The following SLFN5 variants were observed in gnomAD, a reference collection of about 807,000 sequenced individuals.
The protein encoded by SLFN5 is schlafen family member 5.
A neutral mutation model predicts 48.5 loss-of-function variants in SLFN5; 34 were observed. That is an observed-to-expected ratio of 0.70 (90% confidence interval 0.53 to 0.93). The LOEUF (loss-of-function observed/expected upper bound fraction) is 0.93. SLFN5 is among the 40% of genes least tolerant of loss of function. SLFN5 has a pLI of 0.00. For missense variants in SLFN5, 1,006 were observed against 1,071.3 expected (o/e 0.94, Z 0.85); for synonymous variants, 387 against 396.2 (o/e 0.98, Z 0.28).
At position 35,271,697 on chromosome 17, in the gene SLFN5, T is replaced by C. The variant is rs987333587; in HGVS notation, c.*5809T>C. Reference sequence around the variant, plus strand: ...AAATTCAGTGTAATCCCAATAAAAATGCCAACAGGTTTTCCCCAATAGCAT... The same window carrying C: ...AAATTCAGTGTAATCCCAATAAAAACGCCAACAGGTTTTCCCCAATAGCAT... On this transcript the variant is annotated 3_prime_UTR_variant, in exon 5 of 5. Transcript: ENST00000299977. The C allele has an allele frequency of 1.3e-5, 2 of 152,158 alleles. No homozygotes were observed. Among genetic ancestry groups the C allele is most frequent in the Admixed American group, 6.6e-5 (1 of 15,266 alleles). The allele number at this position is 152,158 out of a possible 1,614,324, so 9.4% of individuals were successfully genotyped here.
At position 35,266,177 on chromosome 17, in the gene SLFN5, T is replaced by TGTGTGTGCGCGC. The variant is rs35160124; in HGVS notation, c.*290_*291insTGTGTGCGCGCG. ...GTGTGTGTGTGTGTGTGTGTGTGTGTGCGCGCGCGCACGTGCACATGTGTG... is the reference window on the plus strand; with the variant it reads ...GTGTGTGTGTGTGTGTGTGTGTGTGTGTGTGTGCGCGCGCGCGCGCGCACGTGCACATGTGTG... On this transcript the variant is annotated 3_prime_UTR_variant, in exon 5 of 5. Coordinates refer to ENST00000299977, the MANE Select transcript of SLFN5 (RefSeq NM_144975.4). 8.0e-3 allele frequency: 1,385 copies of TGTGTGTGCGCGC among 173,334 alleles called. 9 individuals are homozygous for TGTGTGTGCGCGC. Among genetic ancestry groups the TGTGTGTGCGCGC allele is most frequent in the Middle Eastern group, 0.017 (6 of 352 alleles). 10.7% of individuals were successfully genotyped at this position (173,334 alleles called of 1,614,324 possible).
At chr17:35,263,558 C>T (rs1314843528) in intron 3 of SLFN5, among the ~76,000 whole-genome samples, 2 of 152,080 alleles carry the variant, frequency 1.3e-5, no homozygotes, top group African/African-American at 4.8e-5. Flanking sequence ...TGCGGTGACG[C>T]ACGCCTGTGA....
intron 1 of SLFN5, among the ~76,000 whole-genome samples, chr17:35,251,700 G>T (rs911309822): frequency 1.5e-5 from 2 of 130,588 alleles, no homozygotes; most frequent in African/African-American, 2.9e-5. Context: ...CATGGCGCCC[G>T]GACTTTTTTT....
intron 3 of SLFN5, among the ~76,000 whole-genome samples, chr17:35,262,780 C>T (rs1420866414): frequency 6.6e-6 from 1 of 152,082 alleles, no homozygotes; most frequent in Non-Finnish European, 1.5e-5. Flanking sequence ...GGGAGAATCA[C>T]CTGAGCTCAG....
In SLFN5 at chr17:35,264,343, G is replaced by A; in HGVS notation, c.1299G>A (p.Glu433=). 1 of 1,614,190 alleles carries A rather than the reference G, an allele frequency of 6.2e-7. No homozygotes were observed. The highest frequency in any genetic ancestry group is 8.5e-7 in the Non-Finnish European group (1 of 1,180,046). Residue 433 remains glutamate, a synonymous_variant, in exon 4 of 5, where the codon GAG becomes GAA. Coordinates refer to ENST00000299977, the MANE Select transcript of SLFN5 (RefSeq NM_144975.4). ...GGGCTGTGGATTTAGGTCTGCAAGA[G>A]AAGCAGGGAGTCATCTGTGATGCTC... The part of the protein sequence containing the change: ...QSWAVDLGLQ[E]KQGVICDALL...
At chr17:35,248,706 T>G (rs1293334136) in intron 1 of SLFN5, among the ~76,000 whole-genome samples, 2 of 152,146 alleles carry the variant, frequency 1.3e-5, no homozygotes, top group Non-Finnish European at 2.9e-5. Flanking sequence ...TCTGTAGAAT[T>G]TAAACCTTGG....
In SLFN5 at chr17:35,266,157, T is replaced by C. The variant is rs1904682077; in HGVS notation, c.*269T>C. ...AGACTCAGAGATGTGTGTGTGTGTG[T>C]GTGTGTGTGTGTGTGTGTGTGCGCG... On this transcript the variant is annotated 3_prime_UTR_variant, in exon 5 of 5. Coordinates refer to ENST00000299977, the MANE Select transcript of SLFN5 (RefSeq NM_144975.4). 1.5e-5 allele frequency: 4 copies of C among 270,352 alleles called. No homozygotes were observed. In the South Asian group the frequency reaches 2.6e-4, roughly 18 times the overall value. 16.7% of individuals were successfully genotyped at this position (270,352 alleles called of 1,614,324 possible).
At chr17:35,250,399 C>T (rs973458601) in intron 1 of SLFN5, among the ~76,000 whole-genome samples, 1 of 152,210 alleles carries the variant, frequency 6.6e-6, no homozygotes, top group Non-Finnish European at 1.5e-5. Context: ...GTGGCTCACG[C>T]CTGTAATCCC....
Position 35,271,178 on chromosome 17 carries a change from G to A in SLFN5, c.*5290G>A, listed in dbSNP as rs958774278. 9 of 152,174 alleles carry A rather than the reference G, an allele frequency of 5.9e-5. No individual in the cohort carries two copies. Among genetic ancestry groups the A allele is most frequent in the African/African-American group, 2.2e-4 (9 of 41,448 alleles). The allele number at this position is 152,174 out of a possible 1,614,324, so 9.4% of individuals were successfully genotyped here. On this transcript the variant is annotated 3_prime_UTR_variant, in exon 5 of 5. Transcript: ENST00000299977. ...AAATAGATTTTCTGACTTGGAACAA[G>A]TAGGAATAATGTACTTATAGTATTC...
At chr17:35,256,087 G>A (rs1031091128) in intron 1 of SLFN5, among the ~76,000 whole-genome samples, 7 of 152,136 alleles carry the variant, frequency 4.6e-5, no homozygotes, top group African/African-American at 4.8e-5. Flanking sequence ...GGCTGGGCGC[G>A]GTGGCTTACG....
chr17:35,264,469 GC>G lies in SLFN5; in HGVS notation c.1426del (p.Gln476ArgfsTer4). On this transcript the variant is annotated frameshift_variant, in exon 4 of 5. Coordinates refer to ENST00000299977, the MANE Select transcript of SLFN5 (RefSeq NM_144975.4). LOFTEE classifies it high-confidence loss of function. ...CTATGATAGTTGCCTATTCTTTGAA[GC>G]AGAAGCTGGTGAACAAAGGCGGCTA... ...YSMIVAYSLK[Q>X]KLVNKGGYTG... is the part of the protein sequence containing the mutation. 6.2e-7 allele frequency: 1 copy of G among 1,614,180 alleles called. No homozygotes were observed. The highest frequency in any genetic ancestry group is 8.5e-7 in the Non-Finnish European group (1 of 1,180,030).
In SLFN5 at chr17:35,266,019, A is replaced by G. The variant is rs976192389; in HGVS notation, c.*131A>G. ...ACTTTTCTAGGTGCTGGGGATTGAGAACGAATCGATGTAAGATTCCTCCTT... is the reference window on the plus strand; with the variant it reads ...ACTTTTCTAGGTGCTGGGGATTGAGGACGAATCGATGTAAGATTCCTCCTT... On this transcript the variant is annotated 3_prime_UTR_variant, in exon 5 of 5. Coordinates refer to ENST00000299977, the MANE Select transcript of SLFN5 (RefSeq NM_144975.4). 7 of 969,432 alleles carry G rather than the reference A, an allele frequency of 7.2e-6. No homozygotes were observed. In the African/African-American group the frequency reaches 9.9e-5, roughly 14 times the overall value. The allele number at this position is 969,432 out of a possible 1,614,324, so 60.1% of individuals were successfully genotyped here.
At chr17:35,254,692 C>T (rs878962277) in intron 1 of SLFN5, among the ~76,000 whole-genome samples, 2 of 152,054 alleles carry the variant, frequency 1.3e-5, no homozygotes, top group Admixed American at 6.6e-5. Context: ...GTGCACTTGG[C>T]ATTCCTTCTG....
rs2142711314 is a variant in SLFN5 at position 35,270,554 on chromosome 17, AG to A, written c.*4667del. 6.6e-6 allele frequency: 1 copy of A among 152,464 alleles called. No individual in the cohort carries two copies. The highest frequency in any genetic ancestry group is 2.1e-4 in the South Asian group (1 of 4,834). The allele number at this position is 152,464 out of a possible 1,614,324, so 9.4% of individuals were successfully genotyped here. A position where few individuals can be genotyped will look rare whatever the true frequency, so the allele number is the denominator to read the frequency against. ...AAAGCCAGGACAGAATCTCCCAGCC[AG>A]AAAGTGTTGCCCTGAGGCTGAAGCC... On this transcript the variant is annotated 3_prime_UTR_variant, in exon 5 of 5. Transcript: ENST00000299977.
In SLFN5 at chr17:35,266,171, T is replaced by TGCGC. The variant is rs1214416074; in HGVS notation, c.*284_*285insCGCG. 6 of 272,484 alleles carry TGCGC rather than the reference T, an allele frequency of 2.2e-5. No individual in the cohort carries two copies. The highest frequency in any genetic ancestry group is 1.5e-4 in the African/African-American group (6 of 39,624). 16.9% of individuals were successfully genotyped at this position (272,484 alleles called of 1,614,324 possible). A position where few individuals can be genotyped will look rare whatever the true frequency, so the allele number is the denominator to read the frequency against. On this transcript the variant is annotated 3_prime_UTR_variant, in exon 5 of 5. Transcript: ENST00000299977. ...GTGTGTGTGTGTGTGTGTGTGTGTG[T>TGCGC]GTGTGTGCGCGCGCGCACGTGCACA...
chr17:35,244,215 T>C (rs866416758), intron 1 of SLFN5, among the ~76,000 whole-genome samples: 1 of 152,120 alleles, frequency 6.6e-6, no homozygotes, highest in East Asian at 1.9e-4. Flanking sequence ...AGTTAACATA[T>C]GCAAATAAGC....
rs762924191 is a variant in SLFN5, at chr17:35,265,303, C to G, written c.2091C>G (p.Pro697=). The G allele has an allele frequency of 4.3e-6, 7 of 1,614,048 alleles. No individual in the cohort carries two copies. The East Asian group carries it at 1.3e-4, about 31-fold the overall frequency. ...QTYHLSCSGL[P]PPSDQYPREE... ...ATCACTTGAGTTGCAGTGGCCTCCC[C>G]CCTCCCTCAGACCAGTATCCAAGAG... The change falls in exon 5 of 5, where the codon CCC becomes CCG. Residue 697 remains proline (P), a synonymous_variant. Transcript: ENST00000299977.
At chr17:35,256,690 A>ACCTTTTAGTGGCAT (rs1425669265) in intron 1 of SLFN5, among the ~76,000 whole-genome samples, 10 of 152,144 alleles carry the variant, frequency 6.6e-5, no homozygotes, top group Admixed American at 6.5e-4. Context: ...ACACGATGCC[A>ACCTTTTAGTGGCAT]CCTTCCTTTT....
chr17:35,249,280 C>T (rs2092437275), intron 1 of SLFN5, among the ~76,000 whole-genome samples: 1 of 152,136 alleles, frequency 6.6e-6, no homozygotes, highest in African/African-American at 2.4e-5. Context: ...TGAGACAGGA[C>T]TCAAAATAAA....
Sources: allele counts gnomAD v4.1 joint callset (sites outside exome capture counted in the v4.1 genomes callset), GRCh38; gene constraint gnomAD v4.1.1; transcripts MANE v1.5; gene names NCBI Gene and HGNC (gene_info 2026-07-23, HGNC 2026-07-21).